The following FHOD3 variants were observed in gnomAD, a reference collection of about 807,000 sequenced individuals.
FHOD3 encodes FH1/FH2 domain-containing protein 3.
FHOD3 carries 90 observed loss-of-function variants against 173.0 expected under a neutral mutation model. The ratio of observed to expected loss-of-function variants is 0.52; its 90% CI spans 0.44 to 0.62. The LOEUF (loss-of-function observed/expected upper bound fraction) is 0.62. FHOD3 is among the 20% of genes least tolerant of loss of function. The pLI is 0.00. For missense variants in FHOD3, 1,945 were observed against 2,034.7 expected, an observed-to-expected ratio of 0.96 and a Z score of 0.85; for synonymous variants, 828 against 823.0, an observed-to-expected ratio of 1.01 and a Z score of -0.10.
chr18:36,732,229 A>G (rs892049535), intron 20 of FHOD3, among the ~76,000 whole-genome samples: 1 of 152,252 alleles, frequency 6.6e-6, no homozygotes, highest in African/African-American at 2.4e-5. Context: ...TGGGGCCTTC[A>G]GAGACAGTAT....
intron 9 of FHOD3, among the ~76,000 whole-genome samples, chr18:36,612,952 G>A (rs187291140): frequency 1.3e-5 from 2 of 152,298 alleles, no homozygotes; most frequent in Admixed American, 1.3e-4. Context: ...AAGGATCTAG[G>A]AGCTGCCCTA....
At chr18:36,685,319 G>A (rs1304643014) in intron 15 of FHOD3, among the ~76,000 whole-genome samples, 2 of 152,102 alleles carry the variant, frequency 1.3e-5, no homozygotes, top group African/African-American at 4.8e-5. Context: ...ATCAACCGTA[G>A]GCAACTACTA....
intron 1 of FHOD3, among the ~76,000 whole-genome samples, chr18:36,320,896 T>C (rs934808700): frequency 6.6e-6 from 1 of 152,188 alleles, no homozygotes; most frequent in African/African-American, 2.4e-5. Context: ...ATCCTGAACT[T>C]CAGGGAGCTT....
intron 3 of FHOD3, among the ~76,000 whole-genome samples, chr18:36,442,544 A>G (rs1034933566): frequency 6.6e-6 from 1 of 152,242 alleles, no homozygotes; most frequent in African/African-American, 2.4e-5. Flanking sequence ...ATTTTTAAGC[A>G]ATGAGGATTT....
intron 9 of FHOD3, among the ~76,000 whole-genome samples, chr18:36,616,751 C>T (rs775463122): frequency 6.6e-6 from 1 of 152,190 alleles, no homozygotes; most frequent in African/African-American, 2.4e-5. Context: ...AATAATTTAA[C>T]CTGAAAACCA....
chr18:36,481,984 G>A (rs1035459933), intron 3 of FHOD3, among the ~76,000 whole-genome samples: 2 of 152,116 alleles, frequency 1.3e-5, no homozygotes, highest in Admixed American at 6.5e-5. Context: ...TAGGCAGAAG[G>A]TATGTATGTC....
chr18:36,514,246 T>C (rs761667986), intron 5 of FHOD3, among the ~76,000 whole-genome samples: 3 of 152,108 alleles, frequency 2.0e-5, no homozygotes, highest in African/African-American at 7.2e-5. Flanking sequence ...CCTGACCTCA[T>C]GATCCGCCGG....
intron 7 of FHOD3, among the ~76,000 whole-genome samples, chr18:36,601,321 T>A (rs538745610): frequency 1.8e-4 from 27 of 152,360 alleles, no homozygotes; most frequent in Admixed American, 7.8e-4. Flanking sequence ...TTGTGCCTTT[T>A]ACGTCTTGTA....
chr18:36,745,441 A>G (rs752040502), intron 23 of FHOD3, among the ~76,000 whole-genome samples: 1 of 152,138 alleles, frequency 6.6e-6, no homozygotes, highest in African/African-American at 2.4e-5. Context: ...AGCCCAGTAC[A>G]TACGGTGTCT....
At chr18:36,600,820 T>A (rs1470862847) in intron 7 of FHOD3, among the ~76,000 whole-genome samples, 1 of 152,174 alleles carries the variant, frequency 6.6e-6, no homozygotes, top group Non-Finnish European at 1.5e-5. Flanking sequence ...CCAAAAGTAG[T>A]TCTGGGTCCA....
At chr18:36,578,308 A>T (rs898412902) in intron 6 of FHOD3, among the ~76,000 whole-genome samples, 8 of 152,056 alleles carry the variant, frequency 5.3e-5, no homozygotes, top group Non-Finnish European at 1.5e-5. Flanking sequence ...CAGGCAAGAG[A>T]GTGTGTGCAG....
chr18:36,516,301 T>A (rs1465249378), intron 5 of FHOD3, among the ~76,000 whole-genome samples: 1 of 152,182 alleles, frequency 6.6e-6, no homozygotes, highest in Non-Finnish European at 1.5e-5. Flanking sequence ...TTATTCACAG[T>A]TCCCTGAGGA....
chr18:36,759,008 A>AT, intron 25 of FHOD3, 110 bp from the exon 26 acceptor site: 1 of 1,232,226 alleles, frequency 8.1e-7, no homozygotes. Flanking sequence ...TGACCAGTTT[A>AT]TTTACTTGGA....
chr18:36,354,071 G>C (rs1374919852), intron 1 of FHOD3, among the ~76,000 whole-genome samples: 2 of 152,210 alleles, frequency 1.3e-5, no homozygotes, highest in African/African-American at 4.8e-5. Flanking sequence ...TATGCAGCCA[G>C]AGCCCAACTC....
chr18:36,517,778 G>A (rs1024446614), intron 5 of FHOD3, among the ~76,000 whole-genome samples: 4 of 152,120 alleles, frequency 2.6e-5, no homozygotes, highest in African/African-American at 9.7e-5. Flanking sequence ...TGTTTTAATG[G>A]TTGTCAGCAT....
intron 5 of FHOD3, among the ~76,000 whole-genome samples, chr18:36,547,808 G>C (rs1319140095): frequency 6.6e-6 from 1 of 152,206 alleles, no homozygotes; most frequent in Non-Finnish European, 1.5e-5. Context: ...GTAGCCAGCT[G>C]CTTCGTGAGG....
intron 17 of FHOD3, among the ~76,000 whole-genome samples, chr18:36,698,460 G>A (rs2039405377): frequency 6.6e-6 from 1 of 152,156 alleles, no homozygotes; most frequent in African/African-American, 2.4e-5. Context: ...GAATGGCACT[G>A]GAAAAGTTGG....
At chr18:36,675,638 GCA>G (rs2149353522) in intron 14 of FHOD3, among the ~76,000 whole-genome samples, 1 of 152,246 alleles carries the variant, frequency 6.6e-6, no homozygotes, top group East Asian at 1.9e-4. Flanking sequence ...AGGGTCTAGT[GCA>G]AAAAACTCCT....
intron 3 of FHOD3, among the ~76,000 whole-genome samples, chr18:36,376,457 T>C (rs537343032): frequency 1.8e-3 from 271 of 152,282 alleles, no homozygotes; most frequent in Non-Finnish European, 2.6e-3. Flanking sequence ...TTCCAAAATA[T>C]CATTTATGCT....
Sources: gnomAD v4.1 joint callset for allele counts (sites outside exome capture counted in the v4.1 genomes callset) on GRCh38, gnomAD v4.1.1 for gene constraint, MANE v1.5 for transcripts, NCBI Gene and HGNC (gene_info 2026-07-23, HGNC 2026-07-21) for gene names.